The following ATRX variants were observed in gnomAD, a reference collection of about 807,000 sequenced individuals.
The protein encoded by ATRX is chromatin remodeler ATRX.
A neutral mutation model predicts 172.6 loss-of-function variants in ATRX; 12 were observed. That is an observed-to-expected ratio of 0.07 (90% CI 0.04 to 0.11). ATRX has a LOEUF of 0.11. Among genes scored for constraint, ATRX ranks in the 10% least tolerant of loss-of-function variants. The probability of loss-of-function intolerance (pLI) is 1.00; values close to 1 mark genes in which losing one functional copy is unlikely to be tolerated. For missense variants in ATRX, 1,368 were observed against 1,767.4 expected (o/e 0.77, Z 4.05); for synonymous variants, 674 against 594.7 (o/e 1.13, Z -1.94).
chrX:77,629,522 A>G (rs1386143757), intron 19 of ATRX, among the ~76,000 whole-genome samples: 1 of 112,296 alleles, frequency 8.9e-6, no homozygotes, highest in Non-Finnish European at 1.9e-5. Flanking sequence ...TGGCAGAGGA[A>G]CTATCTCTAA....
In ATRX at chrX:77,545,216, C is replaced by T. The variant is rs782378660; in HGVS notation, c.6699+12235G>A. On this transcript the variant is annotated intron_variant, in intron 30 of 34. Transcript: ENST00000373344. ...TTTTTCATAATAACTCTATGAAGCA[C>T]ATATAATCATCATCCCCATATTATG... Among the ~76,000 whole-genome samples, 4 of 112,378 alleles carry T rather than the reference C, an allele frequency of 3.6e-5. No homozygotes were observed. In the East Asian group the frequency reaches 8.4e-4, roughly 24 times the overall value.
At chrX:77,546,185 C>T (rs1223920059) in intron 30 of ATRX, among the ~76,000 whole-genome samples, 1 of 110,995 alleles carries the variant, frequency 9.0e-6, no homozygotes, top group Admixed American at 9.6e-5. Flanking sequence ...TGAGTTCAAG[C>T]CCCGGTGCCA....
At position 77,522,291 on chromosome X, in the gene ATRX, A is replaced by G; in HGVS notation, c.6947T>C (p.Leu2316Pro). The change falls in exon 32 of 35, where the codon CTG becomes CCG. Residue 2316 changes from leucine (L) to proline (P), a missense_variant. Transcript: ENST00000373344. The part of the protein sequence containing the change: ...TPYIPFNLGA[L>P]SAMSNQQLED... ...CAGCTGTTGATTACTCATTGCTGAC[A>G]GGGCTCCCAAATTGAAAGGAATATA... 8.3e-7 allele frequency: 1 copy of G among 1,210,888 alleles called. No homozygotes were observed. Among genetic ancestry groups the G allele is most frequent in the Non-Finnish European group, 1.1e-6 (1 of 894,752 alleles).
intron 1 of ATRX, among the ~76,000 whole-genome samples, chrX:77,761,019 TCAA>T (rs1453690558): frequency 8.9e-6 from 1 of 111,965 alleles, no homozygotes; most frequent in Non-Finnish European, 1.9e-5. Flanking sequence ...TCTTGTTTAT[TCAA>T]CAAGCATTTA....
At chrX:77,615,556 A>T (rs782687318) in intron 22 of ATRX, among the ~76,000 whole-genome samples, 2 of 111,628 alleles carry the variant, frequency 1.8e-5, no homozygotes, top group East Asian at 5.6e-4. Flanking sequence ...AGTATAGTAA[A>T]TCTATCAGCT....
intron 2 of ATRX, among the ~76,000 whole-genome samples, chrX:77,703,184 C>T (rs2072627227): frequency 8.9e-6 from 1 of 112,949 alleles, no homozygotes; most frequent in Non-Finnish European, 1.9e-5. Context: ...CTTTTCTGGC[C>T]AGAAACATCT....
intron 30 of ATRX, among the ~76,000 whole-genome samples, chrX:77,549,203 G>A (rs1412829895): frequency 9.9e-5 from 11 of 111,137 alleles, no homozygotes; most frequent in African/African-American, 3.6e-4. Context: ...TGGCCAACAT[G>A]GAGAAAGCCC....
At chrX:77,757,973 A>G (rs2075570509) in intron 1 of ATRX, among the ~76,000 whole-genome samples, 1 of 111,089 alleles carries the variant, frequency 9.0e-6, no homozygotes, top group Non-Finnish European at 1.9e-5. Flanking sequence ...ACCTCATTCA[A>G]TCTCTTCTTT....
intron 28 of ATRX, among the ~76,000 whole-genome samples, chrX:77,567,918 A>T (rs1430102080): frequency 1.8e-5 from 2 of 111,564 alleles, no homozygotes; most frequent in Non-Finnish European, 3.8e-5. Context: ...CATGGAAATT[A>T]AACAACATGC....
chrX:77,700,760 A>T, intron 2 of ATRX, among the ~76,000 whole-genome samples: 1 of 112,393 alleles, frequency 8.9e-6, no homozygotes, highest in Middle Eastern at 4.6e-3. Context: ...ACAAATGCAG[A>T]TTACTATGTG....
At chrX:77,593,060 C>T (rs1407451767) in intron 26 of ATRX, among the ~76,000 whole-genome samples, 4 of 106,871 alleles carry the variant, frequency 3.7e-5, no homozygotes, top group Non-Finnish European at 7.7e-5. Flanking sequence ...CCTATCTCTG[C>T]TAAAAATAAA....
At chrX:77,604,161 G>A (rs782274735) in intron 22 of ATRX, among the ~76,000 whole-genome samples, 24 of 111,867 alleles carry the variant, frequency 2.1e-4, no homozygotes, top group Non-Finnish European at 3.0e-4. Flanking sequence ...AGACAAATGG[G>A]ACTTAAATAA....
intron 1 of ATRX, among the ~76,000 whole-genome samples, chrX:77,733,428 C>G (rs1427039178): frequency 9.0e-6 from 1 of 111,244 alleles, no homozygotes; most frequent in Non-Finnish European, 1.9e-5. Context: ...GTAACCAAAA[C>G]AGCATGATTC....
chrX:77,747,971 C>T (rs1324088976), intron 1 of ATRX, among the ~76,000 whole-genome samples: 1 of 111,299 alleles, frequency 9.0e-6, no homozygotes, highest in Non-Finnish European at 1.9e-5. Context: ...AAATAAGAGT[C>T]TGATTTCACC....
intron 26 of ATRX, among the ~76,000 whole-genome samples, chrX:77,592,121 A>T (rs2066279842): frequency 8.9e-6 from 1 of 111,890 alleles, no homozygotes; most frequent in Non-Finnish European, 1.9e-5. Context: ...TTTTATTAAA[A>T]GCATCTCAAG....
intron 30 of ATRX, among the ~76,000 whole-genome samples, chrX:77,537,523 A>G (rs1557048794): frequency 1.8e-5 from 2 of 109,922 alleles, no homozygotes; most frequent in Admixed American, 2.0e-4. Context: ...GCTGACCCTC[A>G]CCTTAAAAAG....
At chrX:77,762,347 A>G (rs1324130244) in intron 1 of ATRX, among the ~76,000 whole-genome samples, 1 of 106,398 alleles carries the variant, frequency 9.4e-6, no homozygotes, top group Non-Finnish European at 1.9e-5. Context: ...TTGACTCACT[A>G]GAAGAGATTT....
chrX:77,644,427 A>G (rs1319183670), intron 15 of ATRX, among the ~76,000 whole-genome samples: 6 of 112,508 alleles, frequency 5.3e-5, no homozygotes, highest in African/African-American at 1.9e-4. Flanking sequence ...AGAGAACCTC[A>G]TATGCAGAGT....
intron 1 of ATRX, among the ~76,000 whole-genome samples, chrX:77,771,069 T>C (rs2076135753): frequency 8.9e-6 from 1 of 111,923 alleles, no homozygotes; most frequent in Admixed American, 9.6e-5. Flanking sequence ...AATGAAACAT[T>C]TTAGCATAGC....
Sources: allele counts gnomAD v4.1 joint callset (sites outside exome capture counted in the v4.1 genomes callset), GRCh38; gene constraint gnomAD v4.1.1; transcripts MANE v1.5; gene names NCBI Gene and HGNC (gene_info 2026-07-23, HGNC 2026-07-21).